Variants in LRMDA observed in about 807,000 individuals in gnomAD.
LRMDA encodes the protein leucine rich melanocyte differentiation associated, also known as leucine-rich melanocyte differentiation-associated protein.
A neutral mutation model predicts 29.8 loss-of-function variants in LRMDA; 18 were observed. That is an observed-to-expected ratio of 0.60 (90% CI 0.42 to 0.90). The LOEUF is 0.90. LRMDA is among the 40% of genes least tolerant of loss of function. The pLI, the probability that LRMDA is intolerant of heterozygous loss-of-function variation, is 0.00. For missense variants in LRMDA, 273 were observed against 273.9 expected (o/e 1.00, Z 0.02); for synonymous variants, 125 against 109.4 (o/e 1.14, Z -0.89).
intron 5 of LRMDA, among the ~76,000 whole-genome samples, chr10:76,235,250 G>A (rs1852130599): frequency 6.6e-6 from 1 of 152,068 alleles, no homozygotes; most frequent in African/African-American, 2.4e-5. Flanking sequence ...CACTTATTAA[G>A]CTTGCCATCT....
chr10:75,493,348 G>GGTGGGTGTGTGTGT (rs148712950), intron 2 of LRMDA, among the ~76,000 whole-genome samples: 23 of 133,348 alleles, frequency 1.7e-4, no homozygotes, highest in East Asian at 4.4e-4. Context: ...GTTGAGATTG[G>GGTGGGTGTGTGTGT]GTGTGTGTGT....
chr10:76,175,560 T>G (rs1850918743), intron 5 of LRMDA, among the ~76,000 whole-genome samples: 1 of 152,172 alleles, frequency 6.6e-6, no homozygotes, highest in African/African-American at 2.4e-5. Context: ...CAAGAAATGG[T>G]CCTAGCAAGA....
chr10:75,643,304 A>G (rs778272419), intron 2 of LRMDA, among the ~76,000 whole-genome samples: 13 of 152,214 alleles, frequency 8.5e-5, no homozygotes, highest in Admixed American at 2.6e-4. Context: ...TGTTAGCAGT[A>G]TGACATTGGA....
At chr10:76,018,264 T>G (rs1167427874) in intron 2 of LRMDA, among the ~76,000 whole-genome samples, 1 of 152,190 alleles carries the variant, frequency 6.6e-6, no homozygotes, top group African/African-American at 2.4e-5. Context: ...TCCTGCATAT[T>G]GTATGATGTT....
intron 2 of LRMDA, among the ~76,000 whole-genome samples, chr10:75,649,454 T>C (rs769632883): frequency 6.6e-6 from 1 of 152,242 alleles, no homozygotes; most frequent in Non-Finnish European, 1.5e-5. Flanking sequence ...ACAACACTTG[T>C]GTATCTGTTC....
At chr10:75,965,857 C>T (rs1419395558) in intron 2 of LRMDA, among the ~76,000 whole-genome samples, 1 of 152,188 alleles carries the variant, frequency 6.6e-6, no homozygotes, top group Non-Finnish European at 1.5e-5. Context: ...CATCTGTCAT[C>T]CCTGGCTCCT....
At chr10:76,189,319 T>C (rs1375621857) in intron 5 of LRMDA, among the ~76,000 whole-genome samples, 1 of 152,046 alleles carries the variant, frequency 6.6e-6, no homozygotes, top group Non-Finnish European at 1.5e-5. Flanking sequence ...ATTGTGCGAC[T>C]GCACTCCAGC....
Position 76,284,075 on chromosome 10 carries a change from G to C in LRMDA, c.517-40326G>C, listed in dbSNP as rs74913631. Among the ~76,000 whole-genome samples, 518 of 152,192 alleles carry C rather than the reference G, an allele frequency of 3.4e-3. 26 individuals are homozygous for C. The East Asian group carries it at 0.076, about 22-fold the overall frequency. On this transcript the variant is annotated intron_variant, in intron 5 of 6. Transcript: ENST00000611255. ...GAGCTCAGGTCATTTCTTTTTCCAC[G>C]AAAGTACCTAAAGTTTGGGATGTTA...
intron 2 of LRMDA, among the ~76,000 whole-genome samples, chr10:75,922,387 A>G (rs1190774550): frequency 6.6e-6 from 1 of 152,214 alleles, no homozygotes; most frequent in Non-Finnish European, 1.5e-5. Context: ...CCATGGGCAT[A>G]AAGGAACTGG....
At chr10:76,457,081 T>C (rs75371889) in intron 6 of LRMDA, among the ~76,000 whole-genome samples, 3,408 of 152,322 alleles carry the variant, frequency 0.022, 76 homozygotes, top group South Asian at 0.11. Flanking sequence ...AGAACTGTCA[T>C]GACCCTGTCT....
intron 6 of LRMDA, among the ~76,000 whole-genome samples, chr10:76,368,561 A>G (rs1253161091): frequency 6.6e-6 from 1 of 152,178 alleles, no homozygotes; most frequent in African/African-American, 2.4e-5. Context: ...ATTGTTGAAT[A>G]GAATGCGTAT....
At chr10:76,425,939 T>G (rs1195068976) in intron 6 of LRMDA, among the ~76,000 whole-genome samples, 1 of 152,194 alleles carries the variant, frequency 6.6e-6, no homozygotes, top group Non-Finnish European at 1.5e-5. Context: ...AACTCATCAT[T>G]TTTATGGCTG....
At chr10:76,343,322 A>G (rs1841064201) in intron 6 of LRMDA, among the ~76,000 whole-genome samples, 1 of 152,256 alleles carries the variant, frequency 6.6e-6, no homozygotes, top group Non-Finnish European at 1.5e-5. Context: ...GATTACAGAG[A>G]AAATAACTGC....
At chr10:75,861,378 A>C (rs547697657) in intron 2 of LRMDA, among the ~76,000 whole-genome samples, 2 of 152,170 alleles carry the variant, frequency 1.3e-5, no homozygotes, top group Admixed American at 6.5e-5. Flanking sequence ...GAAAGACTCA[A>C]ATGGTCTGTT....
chr10:76,427,413 T>C (rs1162321991), intron 6 of LRMDA, among the ~76,000 whole-genome samples: 1 of 152,150 alleles, frequency 6.6e-6, no homozygotes, highest in Admixed American at 6.5e-5. Context: ...TTGTCTGTTA[T>C]TGGTGTATAA....
chr10:76,376,104 T>G (rs1434641540), intron 6 of LRMDA, among the ~76,000 whole-genome samples: 1 of 152,098 alleles, frequency 6.6e-6, no homozygotes, highest in Non-Finnish European at 1.5e-5. Context: ...ACCCAAATAG[T>G]GTATATCATT....
At chr10:76,463,511 C>T (rs1564548630) in intron 6 of LRMDA, among the ~76,000 whole-genome samples, 1 of 152,174 alleles carries the variant, frequency 6.6e-6, no homozygotes, top group African/African-American at 2.4e-5. Flanking sequence ...AGTGTGATGA[C>T]AGGCTAGCTT....
At chr10:76,134,293 G>A (rs1287382454) in intron 5 of LRMDA, among the ~76,000 whole-genome samples, 1 of 152,222 alleles carries the variant, frequency 6.6e-6, no homozygotes, top group Non-Finnish European at 1.5e-5. Context: ...AGACTTGGCG[G>A]TGATATTCAT....
At chr10:76,078,725 A>G (rs917865558) in intron 5 of LRMDA, among the ~76,000 whole-genome samples, 3 of 152,150 alleles carry the variant, frequency 2.0e-5, no homozygotes, top group African/African-American at 7.2e-5. Flanking sequence ...AGCCCCAGCT[A>G]CTTGGGAGGC....
Sources: allele counts gnomAD v4.1 joint callset (sites outside exome capture counted in the v4.1 genomes callset), GRCh38; gene constraint gnomAD v4.1.1; transcripts MANE v1.5; gene names NCBI Gene and HGNC (gene_info 2026-07-23, HGNC 2026-07-21).